TNR: variants seen among roughly 807,000 people sequenced by gnomAD.
TNR encodes the protein tenascin R.
A neutral mutation model predicts 150.4 loss-of-function variants in TNR; 45 were observed. The observed-to-expected ratio is 0.30, with a 90% CI of 0.24 to 0.38. The LOEUF is 0.38. TNR is among the 10% of genes least tolerant of loss of function. The probability of loss-of-function intolerance (pLI) is 1.00; values close to 1 mark genes in which losing one functional copy is unlikely to be tolerated. For missense variants in TNR, 1,544 were observed against 1,759.1 expected, an observed-to-expected ratio of 0.88 and a Z score of 2.19; for synonymous variants, 687 against 678.4, an observed-to-expected ratio of 1.01 and a Z score of -0.20.
At chr1:175,485,646 T>C (rs1432005275) in intron 2 of TNR, among the ~76,000 whole-genome samples, 2 of 152,316 alleles carry the variant, frequency 1.3e-5, no homozygotes, top group East Asian at 3.9e-4. Flanking sequence ...TTTATCATCC[T>C]AGAAAAGATT....
chr1:175,710,910 A>G (rs537179965), intron 1 of TNR, among the ~76,000 whole-genome samples: 2 of 152,258 alleles, frequency 1.3e-5, no homozygotes, highest in African/African-American at 4.8e-5. Flanking sequence ...ACGATGGGCT[A>G]GCTGACACAG....
At chr1:175,497,419 G>C (rs1296429399) in intron 2 of TNR, among the ~76,000 whole-genome samples, 2 of 152,250 alleles carry the variant, frequency 1.3e-5, no homozygotes, top group Admixed American at 1.3e-4. Context: ...TTTTACTGGA[G>C]CATGACAGGG....
intron 2 of TNR, among the ~76,000 whole-genome samples, chr1:175,503,759 G>A (rs1475919202): frequency 1.3e-5 from 2 of 152,224 alleles, no homozygotes; most frequent in Non-Finnish European, 2.9e-5. Context: ...AGTAAATTAA[G>A]GGGAATGAAA....
Position 175,684,591 on chromosome 1 carries a change from T to G in TNR, c.-165+58635A>C, listed in dbSNP as rs538120785. Among the ~76,000 whole-genome samples, 10 of 152,202 alleles carry G rather than the reference T, an allele frequency of 6.6e-5. No individual in the cohort carries two copies. The South Asian group carries it at 2.1e-3, about 32-fold the overall frequency. On this transcript the variant is annotated intron_variant, in intron 1 of 22. Transcript: ENST00000367674. Reference sequence around the variant, plus strand: ...CTAGGACTGTAAAATTTCCATTCCTTCTTAAAATAATTTTCCTGCCACACC... The same window carrying G: ...CTAGGACTGTAAAATTTCCATTCCTGCTTAAAATAATTTTCCTGCCACACC...
chr1:175,365,525 C>T (rs1459566195), intron 11 of TNR, among the ~76,000 whole-genome samples: 1 of 152,146 alleles, frequency 6.6e-6, no homozygotes, highest in Non-Finnish European at 1.5e-5. Flanking sequence ...AATACTGAAC[C>T]AGGATTGAAA....
At chr1:175,572,918 T>C (rs1661940419) in intron 1 of TNR, among the ~76,000 whole-genome samples, 1 of 152,014 alleles carries the variant, frequency 6.6e-6, no homozygotes, top group African/African-American at 2.4e-5. Context: ...TGATTTAGAA[T>C]TTCCCAGGTG....
chr1:175,714,907 A>C (rs1413810757), intron 1 of TNR, among the ~76,000 whole-genome samples: 1 of 152,176 alleles, frequency 6.6e-6, no homozygotes, highest in African/African-American at 2.4e-5. Context: ...GGTCAGCAGC[A>C]GGGGAGAGGC....
intron 19 of TNR, 111 bp downstream of exon 19, chr1:175,337,417 G>T (rs900891204): frequency 1.6e-6 from 2 of 1,288,524 alleles, no homozygotes; most frequent in Non-Finnish European, 1.1e-6. Context: ...CATGTGGGGG[G>T]TGATAAAAGG....
intron 1 of TNR, among the ~76,000 whole-genome samples, chr1:175,668,743 A>G (rs1056073467): frequency 1.6e-4 from 24 of 152,364 alleles, no homozygotes; most frequent in African/African-American, 5.5e-4. Context: ...CAAGAGCTCT[A>G]CAAAGAAAGC....
chr1:175,533,878 G>A (rs1179285616), intron 1 of TNR, among the ~76,000 whole-genome samples: 2 of 152,116 alleles, frequency 1.3e-5, no homozygotes, highest in Non-Finnish European at 2.9e-5. Context: ...GTGCTACCAT[G>A]GGGTTGCAGG....
chr1:175,540,260 C>T (rs1209360803), intron 1 of TNR, among the ~76,000 whole-genome samples: 1 of 152,306 alleles, frequency 6.6e-6, no homozygotes, highest in East Asian at 1.9e-4. Context: ...GAAGAAATCT[C>T]AGGCAGAGAT....
At chr1:175,610,875 G>A (rs1185548833) in intron 1 of TNR, among the ~76,000 whole-genome samples, 1 of 152,212 alleles carries the variant, frequency 6.6e-6, no homozygotes, top group Non-Finnish European at 1.5e-5. Context: ...GAGAGAAGGG[G>A]AGAGAAAGAA....
intron 1 of TNR, among the ~76,000 whole-genome samples, chr1:175,728,946 G>C (rs1667551460): frequency 1.3e-5 from 2 of 152,182 alleles, no homozygotes; most frequent in African/African-American, 4.8e-5. Context: ...GCTAATGAGT[G>C]ATGAAGCCGG....
intron 18 of TNR, among the ~76,000 whole-genome samples, chr1:175,349,735 T>C (rs1650967698): frequency 6.6e-6 from 1 of 152,198 alleles, no homozygotes; most frequent in African/African-American, 2.4e-5. Flanking sequence ...TGTGATTAAT[T>C]GAAACCTCTG....
chr1:175,408,993 G>T (rs2102051092), intron 2 of TNR, among the ~76,000 whole-genome samples: 1 of 152,254 alleles, frequency 6.6e-6, no homozygotes, highest in Admixed American at 6.5e-5. Context: ...ATAAACCTTG[G>T]GGATAGGTAG....
chr1:175,332,066 C>A (rs1649963609), intron 20 of TNR, among the ~76,000 whole-genome samples: 1 of 152,202 alleles, frequency 6.6e-6, no homozygotes, highest in East Asian at 1.9e-4. Context: ...CTTTAATTGG[C>A]AGATAGATCC....
At chr1:175,605,396 G>A (rs976129323) in intron 1 of TNR, among the ~76,000 whole-genome samples, 9 of 152,154 alleles carry the variant, frequency 5.9e-5, no homozygotes, top group South Asian at 4.1e-4. Context: ...AACTGCCAGC[G>A]CATGTATACA....
At position 175,396,745 on chromosome 1, in the gene TNR, C is replaced by T. The variant is rs770776102; in HGVS notation, c.1039G>A (p.Asp347Asn). ...TATTCCGTCACTGCCATCGGCCCGT[C>T]CCATTCCAGCTCAATGGACCTGTCG... is the stretch of plus-strand genomic sequence containing the variant. Reference protein sequence around the residue: ...ISDRSIELEWDGPMAVTEYVI... With the variant: ...ISDRSIELEWNGPMAVTEYVI... The change falls in exon 5 of 23, where the codon GAC becomes AAC. Residue 347 changes from aspartate (D) to asparagine (N), a missense_variant. Coordinates refer to ENST00000367674, the MANE Select transcript of TNR (RefSeq NM_003285.3). 3 of 1,614,194 alleles carry T rather than the reference C, an allele frequency of 1.9e-6. No individual in the cohort carries two copies. The highest frequency in any genetic ancestry group is 2.5e-6 in the Non-Finnish European group (3 of 1,180,032).
chr1:175,475,031 T>A (rs116264127), intron 2 of TNR, among the ~76,000 whole-genome samples: 4 of 152,194 alleles, frequency 2.6e-5, no homozygotes, highest in African/African-American at 9.6e-5. Flanking sequence ...TGGCTTGGAC[T>A]CAAGAAGAGG....
Sources: gnomAD v4.1 joint callset for allele counts (sites outside exome capture counted in the v4.1 genomes callset) on GRCh38, gnomAD v4.1.1 for gene constraint, MANE v1.5 for transcripts, NCBI Gene and HGNC (gene_info 2026-07-23, HGNC 2026-07-21) for gene names.